Variants in ANKLE2 observed in about 807,000 individuals in gnomAD.
The protein encoded by ANKLE2 is ankyrin repeat and LEM domain-containing protein 2.
ANKLE2 carries 55 observed loss-of-function variants against 84.2 expected under a neutral mutation model. The observed-to-expected ratio is 0.65, with a 90% CI of 0.53 to 0.82. ANKLE2 has a LOEUF of 0.82. Among genes scored for constraint, ANKLE2 ranks in the 40% least tolerant of loss-of-function variants. The pLI, the probability that ANKLE2 is intolerant of heterozygous loss-of-function variation, is 0.00. For synonymous variants in ANKLE2, 551 were observed against 486.1 expected (o/e 1.13, Z -1.76); for missense variants, 1,238 against 1,201.9 (o/e 1.03, Z -0.44).
At position 132,743,182 on chromosome 12, in the gene ANKLE2, C is replaced by T; in HGVS notation, c.1325G>A (p.Arg442Lys). Residue 442 changes from arginine to lysine, a missense_variant, in exon 6 of 13, where the codon AGG becomes AAG. Transcript: ENST00000357997. The surrounding 1 kb of genome is among the most constrained non-coding windows in gnomAD (Gnocchi z 4.1). ...SSHHLIVKNS[R>K]NKYDKTPEDV... ...TTCAGGTGTTTTATCATATTTATTC[C>T]TTGAGTTTTTTACAATCAAATGGTG... 1 of 1,609,934 alleles carries T rather than the reference C, an allele frequency of 6.2e-7. No individual in the cohort carries two copies. The highest frequency in any genetic ancestry group is 8.5e-7 in the Non-Finnish European group (1 of 1,177,964).
intron 8 of ANKLE2, among the ~76,000 whole-genome samples, chr12:132,736,034 C>CTCCA (rs926907134): frequency 2.6e-5 from 4 of 152,206 alleles, no homozygotes; most frequent in African/African-American, 9.7e-5. Flanking sequence ...TCACTGCAAG[C>CTCCA]TCCACCTCCG....
Position 132,755,005 on chromosome 12 carries a change from T to C in ANKLE2, c.310A>G (p.Lys104Glu), listed in dbSNP as rs780023574. 4.5e-5 allele frequency: 72 copies of C among 1,614,072 alleles called. No individual in the cohort carries two copies. The highest frequency in any genetic ancestry group is 5.6e-5 in the Non-Finnish European group (66 of 1,180,052). Reference protein sequence around the residue: ...ITSTTRFIFEKKLAQALLEQG... With the variant: ...ITSTTRFIFEEKLAQALLEQG... ...TCCAGTAAAGCCTGAGCCAATTTTT[T>C]CTCAAAAATGAACCTTGTAGTTGAT... The change falls in exon 2 of 13, where the codon AAA becomes GAA. Residue 104 changes from lysine to glutamate, a missense_variant. Transcript: ENST00000357997.
In ANKLE2 at chr12:132,730,289, G is replaced by A. The variant is rs747019531; in HGVS notation, c.1892-19C>T. On this transcript the variant is annotated intron_variant, in intron 10 of 12. Coordinates refer to ENST00000357997, the MANE Select transcript of ANKLE2 (RefSeq NM_015114.3). ...TTGCTGCCTGTGAGGACAACAAGGA[G>A]CACTTCAGTGATGGGAACGACAGGA... 3.3e-6 allele frequency: 5 copies of A among 1,537,360 alleles called. No homozygotes were observed. The highest frequency in any genetic ancestry group is 1.4e-5 in the African/African-American group (1 of 72,866).
chr12:132,742,810 T>C (rs76078889), intron 6 of ANKLE2, among the ~76,000 whole-genome samples: 29 of 386 alleles, frequency 0.075, no homozygotes, highest in Non-Finnish European at 0.11. Flanking sequence ...ACCATCATCA[T>C]CACCACCACC....
At position 132,726,985 on chromosome 12, in the gene ANKLE2, T is replaced by G; in HGVS notation, c.*257A>C. 2.0e-6 allele frequency: 1 copy of G among 500,256 alleles called. No homozygotes were observed. Among genetic ancestry groups the G allele is most frequent in the Non-Finnish European group, 3.5e-6 (1 of 288,252 alleles). 31.0% of individuals were successfully genotyped at this position (500,256 alleles called of 1,614,324 possible). A position where few individuals can be genotyped will look rare whatever the true frequency, so the allele number is the denominator to read the frequency against. On this transcript the variant is annotated 3_prime_UTR_variant, in exon 13 of 13. Coordinates refer to ENST00000357997, the MANE Select transcript of ANKLE2 (RefSeq NM_015114.3). ...TATTTCAGACCTAGAAATTGCCACC[T>G]AAAAAGTCTACCATTACCACATGGA...
At chr12:132,754,631 T>A in intron 2 of ANKLE2, 44 bp downstream of exon 2, 1 of 1,533,914 alleles carries the variant, frequency 6.5e-7, no homozygotes, top group Non-Finnish European at 8.8e-7. Context: ...CCCCTCCGCG[T>A]ATGTGCTATC....
chr12:132,728,298 C>T (rs564711939), intron 11 of ANKLE2, 135 bp from the exon 12 acceptor site: 25 of 1,099,820 alleles, frequency 2.3e-5, no homozygotes, highest in South Asian at 1.4e-4. Flanking sequence ...GGCGTGATCT[C>T]GGCTCATCGC....
In ANKLE2 at chr12:132,736,909, G is replaced by C; in HGVS notation, c.1577C>G (p.Pro526Arg). 1 of 1,609,136 alleles carries C rather than the reference G, an allele frequency of 6.2e-7. No individual in the cohort carries two copies. Among genetic ancestry groups the C allele is most frequent in the Non-Finnish European group, 8.5e-7 (1 of 1,176,474 alleles). The change falls in exon 8 of 13, where the codon CCC (proline) becomes CGC (arginine). Residue 526 changes from proline to arginine, a missense_variant. Transcript: ENST00000357997. ...GCAGCTCACCTTGGCTGGACTCAGG[G>C]GCCCTGCGAAGGCTCTCAGGGTCAG... is the stretch of plus-strand genomic sequence containing the variant. Reference protein sequence around the residue: ...PVLTLRAFAGPLSPAKAEDFR... With the variant: ...PVLTLRAFAGRLSPAKAEDFR...
chr12:132,735,352 T>C, intron 9 of ANKLE2, 54 bp downstream of exon 9: 12 of 1,513,262 alleles, frequency 7.9e-6, no homozygotes, highest in Non-Finnish European at 1.1e-5. Context: ...CTGTCATTAA[T>C]CAAAATGCAA....
At position 132,727,453 on chromosome 12, in the gene ANKLE2, G is replaced by T. The variant is rs528924046; in HGVS notation, c.2616-10C>A. On this transcript the variant is annotated splice_polypyrimidine_tract_variant and intron_variant, in intron 12 of 12. Transcript: ENST00000357997. ...CGCGGGACTGGGCCAACTGCGGAAA[G>T]CAAGAAAGAACTGTTAGCAGACGGG... is the stretch of plus-strand genomic sequence containing the variant. The T allele has an allele frequency of 3.5e-5, 55 of 1,551,962 alleles. 2 individuals carry two copies. The South Asian group carries it at 6.4e-4, about 18-fold the overall frequency.
intron 10 of ANKLE2, 71 bp downstream of exon 10, chr12:132,734,314 T>C: frequency 1.3e-6 from 2 of 1,486,156 alleles, no homozygotes; most frequent in South Asian, 2.4e-5. Context: ...GAAACAGATG[T>C]GCGCATCCCG....
intron 10 of ANKLE2, among the ~76,000 whole-genome samples, chr12:132,733,277 C>T (rs576026958): frequency 2.2e-5 from 3 of 135,780 alleles, no homozygotes; most frequent in South Asian, 2.4e-4. Flanking sequence ...TGATATGCAC[C>T]GTGTGAAGCT....
intron 2 of ANKLE2, among the ~76,000 whole-genome samples, chr12:132,752,993 T>TAAAAA (rs374135387): frequency 1.4e-5 from 2 of 139,024 alleles, no homozygotes; most frequent in Non-Finnish European, 3.1e-5. Flanking sequence ...CCCAGTCTCT[T>TAAAAA]AAAAAAAAAA....
At chr12:132,751,582 G>A (rs1593176276) in intron 2 of ANKLE2, among the ~76,000 whole-genome samples, 2 of 150,192 alleles carry the variant, frequency 1.3e-5, no homozygotes, top group African/African-American at 4.9e-5. Context: ...TCACTCAGCT[G>A]CCGAGGCTGG....
chr12:132,735,884 C>T (rs1190782848), intron 8 of ANKLE2, among the ~76,000 whole-genome samples: 3 of 152,262 alleles, frequency 2.0e-5, no homozygotes, highest in Non-Finnish European at 4.4e-5. Flanking sequence ...TTCTCAGTCA[C>T]TCTCCCTAGA....
chr12:132,743,660 A>T lies in ANKLE2; in HGVS notation c.1231-384T>A, dbSNP rs12230256. On this transcript the variant is annotated intron_variant, in intron 5 of 12. Transcript: ENST00000357997. This position sits in a 1 kb window ranked among gnomAD's most constrained non-coding sequence, Gnocchi z 4.1. Reference sequence around the variant, plus strand: ...CACCGAGCCTGGCTTATACTTTTTTAAAAAAAAAAAGACTCACAAACAAAA... The same window carrying T: ...CACCGAGCCTGGCTTATACTTTTTTTAAAAAAAAAAGACTCACAAACAAAA... Among the ~76,000 whole-genome samples the T allele has an allele frequency of 0.031, 1,022 of 32,474 alleles. 11 individuals carry two copies. Among genetic ancestry groups the T allele is most frequent in the African/African-American group, 0.089 (876 of 9,824 alleles). The allele number at this position is 32,474 out of a possible 152,430, so 21.3% of individuals were successfully genotyped here. A position where few individuals can be genotyped will look rare whatever the true frequency, so the allele number is the denominator to read the frequency against.
At chr12:132,727,963 T>G in intron 12 of ANKLE2, 69 bp downstream of exon 12, 1 of 1,539,156 alleles carries the variant, frequency 6.5e-7, no homozygotes, top group Non-Finnish European at 8.7e-7. Flanking sequence ...TCGCATGAAG[T>G]GGAACTGGAC....
chr12:132,735,813 G>A lies in ANKLE2; in HGVS notation c.1594-301C>T, dbSNP rs116899928. Among the ~76,000 whole-genome samples the A allele has an allele frequency of 0.013, 1,940 of 152,290 alleles. 29 individuals are homozygous for A. The highest frequency in any genetic ancestry group is 0.018 in the Non-Finnish European group (1,215 of 68,022). On this transcript the variant is annotated intron_variant, in intron 8 of 12. Transcript: ENST00000357997. Reference sequence around the variant, plus strand: ...TCACCCTGAGGACAGTGGACGGCTCGGAGCTGCCACCCCGACGCACATGTG... The same window carrying A: ...TCACCCTGAGGACAGTGGACGGCTCAGAGCTGCCACCCCGACGCACATGTG...
chr12:132,753,100 A>G (rs749019783), intron 2 of ANKLE2, among the ~76,000 whole-genome samples: 2 of 151,928 alleles, frequency 1.3e-5, no homozygotes, highest in African/African-American at 4.8e-5. Context: ...ACTTGAGCCC[A>G]GGAGTTGGGA....
Sources: gnomAD v4.1 joint callset for allele counts (sites outside exome capture counted in the v4.1 genomes callset) on GRCh38, gnomAD v4.1.1 for gene constraint, Gnocchi (gnomAD v3.1) non-coding constraint, MANE v1.5 for transcripts, NCBI Gene and HGNC (gene_info 2026-07-23, HGNC 2026-07-21) for gene names.